HSP90AA1: variants seen among roughly 807,000 people sequenced by gnomAD.
HSP90AA1 encodes heat shock protein HSP 90-alpha.
HSP90AA1 carries 18 observed loss-of-function variants against 73.3 expected under a neutral mutation model. The observed-to-expected ratio is 0.25, with a 90% CI of 0.17 to 0.36. The LOEUF (loss-of-function observed/expected upper bound fraction) is 0.36. Among genes scored for constraint, HSP90AA1 ranks in the 10% least tolerant of loss-of-function variants. The pLI, the probability that HSP90AA1 is intolerant of heterozygous loss-of-function variation, is 1.00. For synonymous variants in HSP90AA1, 477 were observed against 296.9 expected, an observed-to-expected ratio of 1.61 and a Z score of -6.24; for missense variants, 704 against 874.2, an observed-to-expected ratio of 0.81 and a Z score of 2.45.
intron 1 of HSP90AA1, among the ~76,000 whole-genome samples, chr14:102,111,471 C>G (rs117262590): frequency 1.3e-5 from 2 of 152,202 alleles, no homozygotes; most frequent in Non-Finnish European, 2.9e-5. Flanking sequence ...GAACCTCTGC[C>G]TAGATTTCCC....
chr14:102,083,732 TAAAAA>T (rs201649309), intron 7 of HSP90AA1, 39 bp from the exon 8 acceptor site: 8 of 1,400,854 alleles, frequency 5.7e-6, no homozygotes, highest in African/African-American at 3.2e-5. Flanking sequence ...CTTTCTGAAT[TAAAAA>T]AAAAAAAAAA....
chr14:102,133,767 G>A (rs1294966106), intron 1 of HSP90AA1, among the ~76,000 whole-genome samples: 1 of 152,118 alleles, frequency 6.6e-6, no homozygotes, highest in Non-Finnish European at 1.5e-5. Context: ...ACAGGCATGA[G>A]CCACGGCGCC....
At chr14:102,118,379 TA>T (rs2049733091) in intron 1 of HSP90AA1, among the ~76,000 whole-genome samples, 1 of 151,794 alleles carries the variant, frequency 6.6e-6, no homozygotes, top group African/African-American at 2.4e-5. Flanking sequence ...ACTCTGAGAT[TA>T]AAAATGTCTC....
chr14:102,128,498 G>A (rs532255563), intron 1 of HSP90AA1, among the ~76,000 whole-genome samples: 44 of 151,922 alleles, frequency 2.9e-4, no homozygotes, highest in Non-Finnish European at 5.0e-4. Flanking sequence ...GCATGGTGGC[G>A]GGCGCCTGTA....
intron 10 of HSP90AA1, 44 bp from the exon 11 acceptor site, chr14:102,081,865 G>A: frequency 1.0e-6 from 1 of 958,204 alleles, no homozygotes; most frequent in Non-Finnish European, 1.7e-6. Flanking sequence ...ATTTCTTAAA[G>A]CCAGCTATTA....
Position 102,139,625 on chromosome 14 carries a change from G to C in HSP90AA1, c.-221C>G, listed in dbSNP as rs1159572333. Reference sequence around the variant, plus strand: ...CTGGCGGCTGCGGAACGGTCAACTAGACCCCACTAGCTGAAGCCGGCATCA... The same window carrying C: ...CTGGCGGCTGCGGAACGGTCAACTACACCCCACTAGCTGAAGCCGGCATCA... On this transcript the variant is annotated 5_prime_UTR_variant, in exon 1 of 12. Coordinates refer to the HSP90AA1 transcript ENST00000334701. 7.8e-6 allele frequency: 5 copies of C among 645,082 alleles called. No individual in the cohort carries two copies. The South Asian group carries it at 1.0e-4, about 13-fold the overall frequency. The allele number at this position is 645,082 out of a possible 1,614,324, so 40.0% of individuals were successfully genotyped here. A position where few individuals can be genotyped will look rare whatever the true frequency, so the allele number is the denominator to read the frequency against.
intron 1 of HSP90AA1, among the ~76,000 whole-genome samples, chr14:102,129,379 T>C (rs1329882334): frequency 6.6e-6 from 1 of 152,084 alleles, no homozygotes; most frequent in Non-Finnish European, 1.5e-5. Flanking sequence ...TTCTGGTATA[T>C]TCAGAACTGT....
chr14:102,082,829 C>T, intron 9 of HSP90AA1: 1 of 605,626 alleles, frequency 1.7e-6, no homozygotes, highest in Admixed American at 2.8e-5. Context: ...ACCGTGTTAG[C>T]CAGGATGGTC....
chr14:102,136,566 T>TCA (rs2049998435), intron 1 of HSP90AA1, among the ~76,000 whole-genome samples: 1 of 9,634 alleles, frequency 1.0e-4, no homozygotes. Flanking sequence ...GAGACTCGTC[T>TCA]CAAAAAAAAA....
At chr14:102,130,756 G>C (rs150692207) in intron 1 of HSP90AA1, among the ~76,000 whole-genome samples, 1 of 152,112 alleles carries the variant, frequency 6.6e-6, no homozygotes, top group South Asian at 2.1e-4. Flanking sequence ...TTGAGACAGG[G>C]TCTCCCTCTG....
intron 1 of HSP90AA1, among the ~76,000 whole-genome samples, chr14:102,125,152 T>C (rs1406800350): frequency 1.3e-5 from 2 of 152,022 alleles, no homozygotes; most frequent in African/African-American, 4.8e-5. Flanking sequence ...TCACCATATC[T>C]AGTTAATTTT....
intron 1 of HSP90AA1, among the ~76,000 whole-genome samples, chr14:102,110,589 T>TC (rs2049628179): frequency 6.7e-6 from 1 of 150,296 alleles, no homozygotes; most frequent in Non-Finnish European, 1.5e-5. Context: ...CCGGATAATT[T>TC]TTTTTTTTTT....
intron 2 of HSP90AA1, among the ~76,000 whole-genome samples, chr14:102,096,996 T>A (rs919655824): frequency 6.6e-6 from 1 of 152,134 alleles, no homozygotes; most frequent in African/African-American, 2.4e-5. Flanking sequence ...AAGCAATTTT[T>A]TTTTTTCTTG....
chr14:102,124,190 ATT>A (rs35232557), intron 1 of HSP90AA1, among the ~76,000 whole-genome samples: 18 of 128,112 alleles, frequency 1.4e-4, no homozygotes, highest in Admixed American at 1.8e-4. Context: ...TTGAATGCTA[ATT>A]TTTTTTTTTT....
intron 1 of HSP90AA1, among the ~76,000 whole-genome samples, chr14:102,131,786 T>A (rs2049909620): frequency 6.6e-6 from 1 of 152,236 alleles, no homozygotes; most frequent in Non-Finnish European, 1.5e-5. Context: ...CTAGTGCTGA[T>A]CACTACATGA....
chr14:102,126,770 T>C (rs2049844733), intron 1 of HSP90AA1, among the ~76,000 whole-genome samples: 1 of 152,192 alleles, frequency 6.6e-6, no homozygotes, highest in African/African-American at 2.4e-5. Context: ...CCTCGTGATC[T>C]GCCCGCCTAG....
In HSP90AA1 at chr14:102,085,909, T is replaced by A; in HGVS notation, c.378A>T (p.Ala126=). 1 of 1,614,024 alleles carries A rather than the reference T, an allele frequency of 6.2e-7. No individual in the cohort carries two copies. Among genetic ancestry groups the A allele is most frequent in the Non-Finnish European group, 8.5e-7 (1 of 1,179,878 alleles). The part of the protein sequence containing the change: ...KAFMEALQAG[A]DISMIGQFGV... ...CGAACTGGCCAATCATAGAGATATC[T>A]GCACCAGCCTGCAAAGCTTCCATGA... Residue 126 remains alanine, a synonymous_variant, in exon 3 of 11, where the codon GCA becomes GCT. Transcript: ENST00000216281.
At chr14:102,122,782 T>C (rs985949818) in intron 1 of HSP90AA1, among the ~76,000 whole-genome samples, 3 of 149,496 alleles carry the variant, frequency 2.0e-5, no homozygotes, top group African/African-American at 2.5e-5. Context: ...ATTCTCCTGT[T>C]TCAGCCTCCC....
chr14:102,083,266 A>G lies in HSP90AA1; in HGVS notation c.1523T>C (p.Val508Ala). ...TKDQVANSAF[V>A]ERLRKHGLEV... is the part of the protein sequence containing the mutation. Reference sequence around the variant, plus strand: ...TAAGCCATGTTTCCGAAGACGTTCCACAAAGGCTGAGTTAGCTACCTGGTC... The same window carrying G: ...TAAGCCATGTTTCCGAAGACGTTCCGCAAAGGCTGAGTTAGCTACCTGGTC... The change falls in exon 9 of 11, where the codon GTG becomes GCG. Residue 508 changes from valine (V) to alanine (A), a missense_variant. Physicochemically the swap from Val to Ala is moderately conservative, Grantham distance 64 (BLOSUM62 0). Coordinates refer to ENST00000216281, the MANE Select transcript of HSP90AA1 (RefSeq NM_005348.4). 1 of 1,614,216 alleles carries G rather than the reference A, an allele frequency of 6.2e-7. No homozygotes were observed. The highest frequency in any genetic ancestry group is 1.1e-5 in the South Asian group (1 of 91,092).
Sources: allele counts gnomAD v4.1 joint callset (sites outside exome capture counted in the v4.1 genomes callset), GRCh38; gene constraint gnomAD v4.1.1; transcripts MANE v1.5; gene names NCBI Gene and HGNC (gene_info 2026-07-23, HGNC 2026-07-21).